The following ADGRL2 variants were observed in gnomAD, a reference collection of about 807,000 sequenced individuals.
ADGRL2 encodes adhesion G protein-coupled receptor L2.
A neutral mutation model predicts 157.4 loss-of-function variants in ADGRL2; 44 were observed. The observed-to-expected ratio is 0.28, with a 90% CI of 0.22 to 0.36. The LOEUF (loss-of-function observed/expected upper bound fraction) is 0.36, where lower values mean the gene tolerates loss of function less well. Among genes scored for constraint, ADGRL2 ranks in the 10% least tolerant of loss-of-function variants. The pLI is 1.00. For synonymous variants in ADGRL2, 585 were observed against 624.7 expected, an observed-to-expected ratio of 0.94 and a Z score of 0.95; for missense variants, 1,510 against 1,768.9, an observed-to-expected ratio of 0.85 and a Z score of 2.63.
chr1:81,982,235 A>G (rs1347241301), intron 19 of ADGRL2, among the ~76,000 whole-genome samples: 1 of 151,972 alleles, frequency 6.6e-6, no homozygotes, highest in African/African-American at 2.4e-5. Flanking sequence ...CGTAGGGTCT[A>G]TAAAATGCTA....
At chr1:81,811,464 G>A (rs183151584) in intron 1 of ADGRL2, among the ~76,000 whole-genome samples, 18 of 151,340 alleles carry the variant, frequency 1.2e-4, no homozygotes, top group Admixed American at 1.1e-3. Flanking sequence ...GCAGCAACAC[G>A]TTTTTTATAA....
At chr1:81,865,615 A>G (rs1278464887) in intron 2 of ADGRL2, among the ~76,000 whole-genome samples, 1 of 152,150 alleles carries the variant, frequency 6.6e-6, no homozygotes, top group South Asian at 2.1e-4. Context: ...CTCCTGAGAG[A>G]TACCCAGGGA....
At chr1:81,332,081 C>A (rs1405828198) in intron 1 of ADGRL2, among the ~76,000 whole-genome samples, 1 of 152,082 alleles carries the variant, frequency 6.6e-6, no homozygotes, top group East Asian at 1.9e-4. Flanking sequence ...ATGGATTCTG[C>A]AACTCACAAG....
At chr1:81,425,913 C>T (rs948539760) in intron 1 of ADGRL2, among the ~76,000 whole-genome samples, 2 of 152,056 alleles carry the variant, frequency 1.3e-5, no homozygotes, top group African/African-American at 4.8e-5. Flanking sequence ...GTTGCCCAGG[C>T]TGGACTGCAC....
intron 2 of ADGRL2, among the ~76,000 whole-genome samples, chr1:81,488,808 A>G (rs1334873445): frequency 1.3e-5 from 2 of 152,162 alleles, no homozygotes; most frequent in Admixed American, 6.6e-5. Context: ...CAATAAAATG[A>G]TCCCTTAAAA....
intron 3 of ADGRL2, among the ~76,000 whole-genome samples, chr1:81,680,701 T>C (rs2083094524): frequency 1.3e-5 from 2 of 152,032 alleles, no homozygotes; most frequent in South Asian, 2.1e-4. Flanking sequence ...TATTTGACTT[T>C]CAGAAAAAAA....
At chr1:81,568,663 G>T (rs1322312151) in intron 2 of ADGRL2, among the ~76,000 whole-genome samples, 1 of 152,058 alleles carries the variant, frequency 6.6e-6, no homozygotes, top group Non-Finnish European at 1.5e-5. Context: ...TAATCCCTTG[G>T]ATTAAAGAAG....
chr1:81,537,754 C>T (rs2148299691), intron 2 of ADGRL2, among the ~76,000 whole-genome samples: 2 of 150,552 alleles, frequency 1.3e-5, no homozygotes, highest in African/African-American at 4.9e-5. Flanking sequence ...GTCTGGAGTC[C>T]AGTGTCACCA....
intron 2 of ADGRL2, among the ~76,000 whole-genome samples, chr1:81,448,561 G>A (rs965246046): frequency 1.3e-5 from 2 of 151,980 alleles, no homozygotes; most frequent in South Asian, 4.1e-4. Context: ...TCATGGCCAG[G>A]TGTGGTGGCC....
At chr1:81,822,879 T>C (rs2091123599) in intron 1 of ADGRL2, among the ~76,000 whole-genome samples, 1 of 152,126 alleles carries the variant, frequency 6.6e-6, no homozygotes, top group Admixed American at 6.6e-5. Context: ...GGCCTTTCTA[T>C]TTCTTCATTT....
At chr1:81,927,931 A>T (rs186240798) in intron 3 of ADGRL2, among the ~76,000 whole-genome samples, 88 of 152,170 alleles carry the variant, frequency 5.8e-4, no homozygotes, top group Admixed American at 8.5e-4. Context: ...TAAAATAAAA[A>T]AAACTTTTTG....
chr1:81,834,361 T>G (rs1288105993), intron 1 of ADGRL2, among the ~76,000 whole-genome samples: 1 of 152,222 alleles, frequency 6.6e-6, no homozygotes, highest in Non-Finnish European at 1.5e-5. Context: ...ATGCTGTTAT[T>G]GAGCTTTTTG....
At chr1:81,493,102 A>G (rs1269048948) in intron 2 of ADGRL2, among the ~76,000 whole-genome samples, 1 of 152,230 alleles carries the variant, frequency 6.6e-6, no homozygotes, top group African/African-American at 2.4e-5. Flanking sequence ...AAATATTTGT[A>G]TCTAAATGTG....
At chr1:81,537,222 A>C (rs1396937745) in intron 2 of ADGRL2, among the ~76,000 whole-genome samples, 3 of 152,212 alleles carry the variant, frequency 2.0e-5, no homozygotes, top group Non-Finnish European at 4.4e-5. Context: ...AGAAACACAT[A>C]CATCTGTGCC....
At chr1:81,800,702 A>C (rs577133211), upstream of ADGRL2, among the ~76,000 whole-genome samples, 1 of 151,944 alleles carries the variant, frequency 6.6e-6, no homozygotes, top group Non-Finnish European at 1.5e-5. Flanking sequence ...TTTAAAGTGC[A>C]TGTGTGTGGA....
chr1:81,847,854 A>G (rs1052674514), intron 2 of ADGRL2, among the ~76,000 whole-genome samples: 11 of 152,038 alleles, frequency 7.2e-5, no homozygotes, highest in Non-Finnish European at 1.2e-4. Context: ...ATTTAGAAAA[A>G]GTTTATTTTT....
intron 1 of ADGRL2, among the ~76,000 whole-genome samples, chr1:81,338,150 G>T (rs1259504500): frequency 1.3e-5 from 2 of 152,114 alleles, no homozygotes; most frequent in Non-Finnish European, 2.9e-5. Context: ...ATCACCTGAG[G>T]TCAGAAGTTC....
intron 1 of ADGRL2, among the ~76,000 whole-genome samples, chr1:81,822,844 A>G (rs1352470887): frequency 6.6e-6 from 1 of 152,168 alleles, no homozygotes; most frequent in African/African-American, 2.4e-5. Flanking sequence ...CCTGAGTTGC[A>G]GATTTTGTTT....
chr1:81,368,991 A>G (rs2076115388), intron 1 of ADGRL2, among the ~76,000 whole-genome samples: 2 of 152,214 alleles, frequency 1.3e-5, no homozygotes, highest in Admixed American at 6.5e-5. Flanking sequence ...AATCTTCTAT[A>G]TATTTCCATT....
Sources: allele counts gnomAD v4.1 joint callset (sites outside exome capture counted in the v4.1 genomes callset), GRCh38; gene constraint gnomAD v4.1.1; transcripts MANE v1.5; gene names NCBI Gene and HGNC (gene_info 2026-07-23, HGNC 2026-07-21).